ZNF398: variants seen among roughly 807,000 people sequenced by gnomAD.
The protein encoded by ZNF398 is zinc finger protein 398, also known as zinc finger DNA binding protein ZER6.
A neutral mutation model predicts 41.9 loss-of-function variants in ZNF398; 18 were observed. That is an observed-to-expected ratio of 0.43 (90% CI 0.30 to 0.64). The LOEUF is 0.64. Ranked by LOEUF, ZNF398 falls within the 30% of genes least tolerant of loss-of-function variation. ZNF398 has a pLI of 0.14. For synonymous variants in ZNF398, 260 were observed against 308.8 expected, an observed-to-expected ratio of 0.84 and a Z score of 1.66; for missense variants, 669 against 822.8, an observed-to-expected ratio of 0.81 and a Z score of 2.29.
At chr7:149,142,870 G>A (rs1027463897), upstream of ZNF398, among the ~76,000 whole-genome samples, 2 of 152,242 alleles carry the variant, frequency 1.3e-5, no homozygotes, top group South Asian at 2.1e-4. Flanking sequence ...ACGCACGAAC[G>A]TCGAATTTCC....
At chr7:149,157,666 C>A (rs192675172) in intron 2 of ZNF398, among the ~76,000 whole-genome samples, 1 of 150,986 alleles carries the variant, frequency 6.6e-6, no homozygotes, top group African/African-American at 2.4e-5. Flanking sequence ...GGTGAAATCC[C>A]GTCTCTACTA....
rs774104840 is a variant in ZNF398, at chr7:149,179,631, C to T, written c.1759C>T (p.Arg587Cys). 12 of 1,614,084 alleles carry T rather than the reference C, an allele frequency of 7.4e-6. No individual in the cohort carries two copies. The highest frequency in any genetic ancestry group is 2.2e-5 in the South Asian group (2 of 91,092). The part of the protein sequence containing the change: ...RYKQTLKDHL[R>C]SGHNGGCGGD... ...CAAACAGACACTCAAGGACCACCTC[C>T]GTTCAGGCCACAATGGAGGCTGTGG... The change falls in exon 6 of 6, where the codon CGT becomes TGT. Residue 587 changes from arginine (R) to cysteine (C), a missense_variant. Arg to Cys is a radical substitution (Grantham distance 180). This residue lies in a region of ZNF398 where 210 missense variants were observed against 290.4 expected (regional missense o/e 0.72). Coordinates refer to ENST00000475153, the MANE Select transcript of ZNF398 (RefSeq NM_170686.3). This position sits in a 1 kb window ranked among gnomAD's most constrained non-coding sequence, Gnocchi z 6.1.
chr7:149,148,376 C>A, intron 1 of ZNF398: 1 of 964,366 alleles, frequency 1.0e-6, no homozygotes, highest in Non-Finnish European at 1.2e-6. Context: ...CGGCCAGTTG[C>A]CAGGGCGACC....
intron 2 of ZNF398, among the ~76,000 whole-genome samples, chr7:149,160,785 T>C (rs1203061448): frequency 6.6e-6 from 1 of 152,240 alleles, no homozygotes; most frequent in Non-Finnish European, 1.5e-5. Flanking sequence ...CAGCTTTAGA[T>C]TATCACCTTT....
At chr7:149,146,667 G>A (rs1441984767), upstream of ZNF398, among the ~76,000 whole-genome samples, 3 of 151,904 alleles carry the variant, frequency 2.0e-5, no homozygotes, top group Admixed American at 2.0e-4. Flanking sequence ...TGGCCAACAT[G>A]GTGAAACCCC....
intron 2 of ZNF398, among the ~76,000 whole-genome samples, chr7:149,163,899 G>T (rs1161126155): frequency 6.6e-6 from 1 of 151,596 alleles, no homozygotes; most frequent in Admixed American, 6.6e-5. Context: ...AATCATTTGA[G>T]GTCAGGAGTC....
In ZNF398 at chr7:149,154,214, G is replaced by A. The variant is rs376668571; in HGVS notation, c.294G>A (p.Val98=). ...LGNQLEGKWA[V]LGTLLQEYGL... ...ACCAGCTGGAGGGCAAGTGGGCCGT[G>A]CTGGGAACCCTGCTGCAGGAGTACG... Residue 98 remains valine, a synonymous_variant, in exon 2 of 6, where the codon GTG becomes GTA. Transcript: ENST00000475153. 14 of 1,614,166 alleles carry A rather than the reference G, an allele frequency of 8.7e-6. No homozygotes were observed. The African/African-American group carries it at 1.7e-4, about 20-fold the overall frequency.
intron 4 of ZNF398, among the ~76,000 whole-genome samples, chr7:149,176,156 C>T (rs1033276539): frequency 6.6e-6 from 1 of 151,880 alleles, no homozygotes; most frequent in African/African-American, 2.4e-5. Flanking sequence ...CACGGTGAAA[C>T]CCCATCTCTA....
chr7:149,152,726 C>T (rs945674707), intron 1 of ZNF398, among the ~76,000 whole-genome samples: 3 of 151,852 alleles, frequency 2.0e-5, no homozygotes, highest in Admixed American at 6.6e-5. Flanking sequence ...CCACGATGGC[C>T]GGCTAATTTT....
intron 1 of ZNF398, among the ~76,000 whole-genome samples, chr7:149,151,837 A>C (rs1376958409): frequency 6.8e-6 from 1 of 146,358 alleles, no homozygotes; most frequent in Non-Finnish European, 1.5e-5. Flanking sequence ...CGTAGGCTGG[A>C]GTACAGTAGC....
chr7:149,169,135 A>G (rs1024917016), intron 4 of ZNF398, among the ~76,000 whole-genome samples: 3 of 152,224 alleles, frequency 2.0e-5, no homozygotes, highest in Non-Finnish European at 4.4e-5. Context: ...ATAACGTATC[A>G]AAGTTTCATT....
chr7:149,179,062 C>T lies in ZNF398; in HGVS notation c.1190C>T (p.Pro397Leu), dbSNP rs753510955. Residue 397 changes from proline (P) to leucine (L), a missense_variant, in exon 6 of 6, where the codon CCC becomes CTC. Transcript: ENST00000475153. The surrounding 1 kb of genome is among the most constrained non-coding windows in gnomAD (Gnocchi z 6.1). ...TCCCAGGACCATGCCAGCGAGACAC[C>T]CCCCACCTGCCCACACTGTGCCAGG... ...STSQDHASET[P>L]PTCPHCARTF... 5.0e-6 allele frequency: 8 copies of T among 1,613,902 alleles called. No individual in the cohort carries two copies. In the Admixed American group the frequency reaches 1.3e-4, roughly 27 times the overall value.
rs1795609868 is a variant in ZNF398, at chr7:149,182,281, G to A, written c.*2480G>A. 6.6e-6 allele frequency: 1 copy of A among 152,232 alleles called. No homozygotes were observed. The highest frequency in any genetic ancestry group is 1.5e-5 in the Non-Finnish European group (1 of 68,048). 9.4% of individuals were successfully genotyped at this position (152,232 alleles called of 1,614,324 possible). ...AGGCGATGTGCAAGGCCATCCCAGA[G>A]AGACGGAAGCAGGTGCGATACTAAG... On this transcript the variant is annotated 3_prime_UTR_variant, in exon 6 of 6. Coordinates refer to ENST00000475153, the MANE Select transcript of ZNF398 (RefSeq NM_170686.3).
At position 149,169,003 on chromosome 7, in the gene ZNF398, T is replaced by C. The variant is rs1795278294; in HGVS notation, c.661+2073T>C. 2.6e-5 allele frequency among the ~76,000 whole-genome samples: 4 copies of C among 152,258 alleles called. No homozygotes were observed. In the South Asian group the frequency reaches 8.3e-4, roughly 32 times the overall value. ...GACTTGACTACAGAAAGATTTCTTA[T>C]TGGGTATATTTCTTTGGTCTACATT... On this transcript the variant is annotated intron_variant, in intron 4 of 5. Transcript: ENST00000475153.
intron 2 of ZNF398, among the ~76,000 whole-genome samples, chr7:149,129,807 A>G (rs113758632): frequency 0.019 from 2,899 of 151,258 alleles, 108 homozygotes; most frequent in African/African-American, 0.067. Context: ...TTATTTATTT[A>G]TTTATTTTTT....
At position 149,129,935 on chromosome 7, in the gene ZNF398, G is replaced by A. The variant is rs541235146; in HGVS notation, c.-490+991G>A. ...CCTGCCTCAGCCTCCCTAGTAACTG[G>A]GATTACAGGCATGTGCCACCACGCC... On this transcript the variant is annotated intron_variant, in intron 2 of 6. Transcript: ENST00000426851. 4.9e-3 allele frequency among the ~76,000 whole-genome samples: 743 copies of A among 152,102 alleles called. 6 individuals carry two copies. Among genetic ancestry groups the A allele is most frequent in the Non-Finnish European group, 7.9e-3 (534 of 68,004 alleles).
chr7:149,175,554 A>G, intron 4 of ZNF398, among the ~76,000 whole-genome samples: 1 of 152,212 alleles, frequency 6.6e-6, no homozygotes, highest in East Asian at 1.9e-4. Flanking sequence ...GTATCATTTA[A>G]TAGACAAAGA....
At position 149,154,298 on chromosome 7, in the gene ZNF398, GA is replaced by G; in HGVS notation, c.379del (p.Ile127SerfsTer34). The G allele has an allele frequency of 6.2e-7, 1 of 1,614,058 alleles. No individual in the cohort carries two copies. Among genetic ancestry groups the G allele is most frequent in the Non-Finnish European group, 8.5e-7 (1 of 1,179,970 alleles). On this transcript the variant is annotated frameshift_variant, in exon 2 of 6. Coordinates refer to ENST00000475153, the MANE Select transcript of ZNF398 (RefSeq NM_170686.3). LOFTEE classifies it high-confidence loss of function. ...ACCTGCTGCGCAACAGGAACTTCTG[GA>G]TCCTGCGGCTCCCTCCAGGTATTAA... is the stretch of plus-strand genomic sequence containing the variant. ...ENLLRNRNFW[I>X]LRLPPGIKGD... is the part of the protein sequence containing the mutation.
At chr7:149,175,294 T>A (rs2129521696) in intron 4 of ZNF398, among the ~76,000 whole-genome samples, 1 of 152,152 alleles carries the variant, frequency 6.6e-6, no homozygotes, top group Non-Finnish European at 1.5e-5. Context: ...GGGGACTCTC[T>A]GGAGCTTGAC....
Sources: gnomAD v4.1 joint callset for allele counts (sites outside exome capture counted in the v4.1 genomes callset) on GRCh38, gnomAD v4.1.1 for gene constraint, gnomAD v4.1.1 regional missense constraint, Gnocchi (gnomAD v3.1) non-coding constraint, MANE v1.5 for transcripts, NCBI Gene and HGNC (gene_info 2026-07-23, HGNC 2026-07-21) for gene names.